The following CDYL variants were observed in gnomAD, a reference collection of about 807,000 sequenced individuals.
CDYL encodes chromodomain Y like.
In CDYL, 8 loss-of-function variants were observed where a neutral mutation model predicts 47.3. The ratio of observed to expected loss-of-function variants is 0.17; its 90% CI spans 0.10 to 0.31. The LOEUF (loss-of-function observed/expected upper bound fraction) is 0.31, where lower values mean the gene tolerates loss of function less well. Ranked by LOEUF, CDYL falls within the 10% of genes least tolerant of loss-of-function variation. The pLI is 1.00. For missense variants in CDYL, 471 were observed against 701.4 expected, an observed-to-expected ratio of 0.67 and a Z score of 3.71; for synonymous variants, 266 against 265.0, an observed-to-expected ratio of 1.00 and a Z score of -0.04.
chr6:4,820,902 G>A (rs7764795), intron 1 of CDYL, among the ~76,000 whole-genome samples: 4,039 of 152,226 alleles, frequency 0.027, 183 homozygotes, highest in African/African-American at 0.092. Flanking sequence ...TAAAACATCC[G>A]CAGGCCTTGA....
upstream of CDYL, among the ~76,000 whole-genome samples, chr6:4,773,583 G>A (rs1418902470): frequency 2.6e-5 from 4 of 152,152 alleles, no homozygotes; most frequent in African/African-American, 9.7e-5. This position sits in a 1 kb window ranked among gnomAD's most constrained non-coding sequence, Gnocchi z 4.6. Context: ...AAATATATAT[G>A]TATATATAAG....
In CDYL at chr6:4,734,670, G is replaced by A. The variant is rs905508978; in HGVS notation, c.104-92G>A. 7 of 1,550,708 alleles carry A rather than the reference G, an allele frequency of 4.5e-6. No individual in the cohort carries two copies. The African/African-American group carries it at 9.5e-5, about 21-fold the overall frequency. ...TTCAGGAAGGGGAGGGCACAGGGAT[G>A]GGAAGTTGGGGGATGGGGATGGAGG... On this transcript the variant is annotated intron_variant, in intron 2 of 8. Coordinates refer to the CDYL transcript ENST00000328908.
intron 2 of CDYL, among the ~76,000 whole-genome samples, chr6:4,734,460 T>A (rs1246504422): frequency 1.3e-5 from 2 of 152,224 alleles, no homozygotes; most frequent in South Asian, 4.1e-4. Context: ...AGTCACTGTC[T>A]GCTGCATTCA....
chr6:4,861,050 A>G lies in CDYL; in HGVS notation c.25-30663A>G, dbSNP rs1166472457. On this transcript the variant is annotated intron_variant, in intron 1 of 6. Transcript: ENST00000397588. ...GGGATTAACCATCACATCAATAATC[A>G]AGACAGTATAGAAAGTGAGACTAGT... 3.9e-5 allele frequency among the ~76,000 whole-genome samples: 6 copies of G among 152,232 alleles called. No homozygotes were observed. In the South Asian group the frequency reaches 1.2e-3, roughly 32 times the overall value.
chr6:4,859,676 TTC>T (rs1761107863), intron 1 of CDYL, among the ~76,000 whole-genome samples: 1 of 152,144 alleles, frequency 6.6e-6, no homozygotes, highest in African/African-American at 2.4e-5. Context: ...TAGGAGATAA[TTC>T]TGTCTTGAGA....
At chr6:4,755,583 A>G (rs1237059779) in intron 3 of CDYL, among the ~76,000 whole-genome samples, 1 of 152,204 alleles carries the variant, frequency 6.6e-6, no homozygotes, top group Non-Finnish European at 1.5e-5. Context: ...CCTCAAATTC[A>G]TTGTGTCAAC....
intron 1 of CDYL, among the ~76,000 whole-genome samples, chr6:4,864,302 A>C (rs1035479228): frequency 8.5e-5 from 13 of 152,222 alleles, no homozygotes; most frequent in African/African-American, 3.1e-4. Flanking sequence ...ATTGGTGAGC[A>C]AGGAAATGGG....
chr6:4,818,698 T>C (rs982052988), intron 1 of CDYL, among the ~76,000 whole-genome samples: 5 of 152,166 alleles, frequency 3.3e-5, no homozygotes, highest in African/African-American at 1.2e-4. Context: ...TAATTTTCCT[T>C]CTTCAGGAGG....
chr6:4,951,073 G>A (rs1758688383), intron 5 of CDYL, among the ~76,000 whole-genome samples: 1 of 152,166 alleles, frequency 6.6e-6, no homozygotes, highest in Non-Finnish European at 1.5e-5. Context: ...CCAAGCTGCG[G>A]GTTTCACATG....
chr6:4,788,890 G>C (rs1758838404), intron 1 of CDYL, among the ~76,000 whole-genome samples: 1 of 152,182 alleles, frequency 6.6e-6, no homozygotes, highest in South Asian at 2.1e-4. Context: ...GGATGTTGCT[G>C]CTTCCTCCAT....
At chr6:4,797,381 G>A (rs138319121) in intron 1 of CDYL, among the ~76,000 whole-genome samples, 13 of 150,286 alleles carry the variant, frequency 8.7e-5, no homozygotes, top group African/African-American at 1.2e-4. Flanking sequence ...TTCTACGTGG[G>A]CTGTTTTTTC....
At chr6:4,849,716 T>G (rs924616922) in intron 1 of CDYL, among the ~76,000 whole-genome samples, 1 of 151,828 alleles carries the variant, frequency 6.6e-6, no homozygotes, top group Non-Finnish European at 1.5e-5. Context: ...CTTCCAAATT[T>G]AAGCATGTCA....
chr6:4,898,948 G>C (rs570332248), intron 2 of CDYL, among the ~76,000 whole-genome samples: 1 of 152,164 alleles, frequency 6.6e-6, no homozygotes, highest in Admixed American at 6.5e-5. Flanking sequence ...GCCCTCTCTT[G>C]TGTAAAGCAT....
intron 2 of CDYL, among the ~76,000 whole-genome samples, chr6:4,912,488 C>T (rs1342734481): frequency 6.6e-6 from 1 of 152,198 alleles, no homozygotes; most frequent in South Asian, 2.1e-4. Context: ...AGGGGCGGAA[C>T]GCCGTAGGGC....
At chr6:4,778,253 G>A (rs1478899811) in intron 1 of CDYL, among the ~76,000 whole-genome samples, 1 of 152,152 alleles carries the variant, frequency 6.6e-6, no homozygotes, top group Non-Finnish European at 1.5e-5. Flanking sequence ...TTCTTTGGTT[G>A]TTTAGTCATG....
At chr6:4,852,435 C>CCTTCCTTCCTTCCAAT (rs1341440195) in intron 1 of CDYL, among the ~76,000 whole-genome samples, 2 of 128,768 alleles carry the variant, frequency 1.6e-5, no homozygotes, top group Non-Finnish European at 3.3e-5. Context: ...CTTCCTCCTT[C>CCTTCCTTCCTTCCAAT]CTTCCTTCCT....
intron 5 of CDYL, among the ~76,000 whole-genome samples, chr6:4,951,917 G>A (rs1471356980): frequency 6.6e-6 from 1 of 152,188 alleles, no homozygotes; most frequent in Admixed American, 6.5e-5. Flanking sequence ...AGGCAGATGA[G>A]AGGAGAGGAA....
At chr6:4,715,820 C>G in exon 2 of CDYL, 1 of 1,614,052 alleles carries the variant, frequency 6.2e-7, no homozygotes, top group Non-Finnish European at 8.5e-7. Flanking sequence ...GGGGAAAAAG[C>G]AGGAAGAAAA....
chr6:4,712,212 AG>A (rs1464578836), intron 1 of CDYL, among the ~76,000 whole-genome samples: 1 of 152,254 alleles, frequency 6.6e-6, no homozygotes, highest in Non-Finnish European at 1.5e-5. Flanking sequence ...ACAGGCTGAC[AG>A]GGGCCCTGGA....
Sources: gnomAD v4.1 joint callset for allele counts (sites outside exome capture counted in the v4.1 genomes callset) on GRCh38, gnomAD v4.1.1 for gene constraint, Gnocchi (gnomAD v3.1) non-coding constraint, MANE v1.5 for transcripts, NCBI Gene and HGNC (gene_info 2026-07-23, HGNC 2026-07-21) for gene names.